The following KCNJ15 variants were observed in gnomAD, a reference collection of about 807,000 sequenced individuals.
KCNJ15 encodes the protein ATP-sensitive inward rectifier potassium channel 15.
In KCNJ15, 14 loss-of-function variants were observed where a neutral mutation model predicts 23.0. The ratio of observed to expected loss-of-function variants is 0.61; its 90% CI spans 0.40 to 0.95. The LOEUF is 0.95. Ranked by LOEUF, KCNJ15 falls within the 40% of genes least tolerant of loss-of-function variation. KCNJ15 has a pLI of 0.00. For missense variants in KCNJ15, 388 were observed against 461.8 expected, an observed-to-expected ratio of 0.84 and a Z score of 1.46; for synonymous variants, 185 against 183.2, an observed-to-expected ratio of 1.01 and a Z score of -0.08.
chr21:38,272,552 C>CTCAA (rs1402414121), intron 1 of KCNJ15: 3 of 152,260 alleles, frequency 2.0e-5, no homozygotes, highest in African/African-American at 4.8e-5. Flanking sequence ...AGCACCTGGA[C>CTCAA]TCAAGGTAAG....
At chr21:38,247,316 C>T (rs1008980582) in intron 1 of KCNJ15, among the ~76,000 whole-genome samples, 7 of 74,228 alleles carry the variant, frequency 9.4e-5, no homozygotes, top group East Asian at 7.9e-4. Flanking sequence ...ATGGATGGAT[C>T]GATGGGTAAA....
At position 38,302,562 on chromosome 21, in the gene KCNJ15, T is replaced by C. The variant is rs957294747; in HGVS notation, c.*2173T>C. On this transcript the variant is annotated 3_prime_UTR_variant, in exon 3 of 3. Coordinates refer to ENST00000398938, the MANE Select transcript of KCNJ15 (RefSeq NM_170736.3). Reference sequence around the variant, plus strand: ...TCCTTAAAAAAATATTACATGTCAGTGTAGTTAGATATTATCTCTTTTAGT... The same window carrying C: ...TCCTTAAAAAAATATTACATGTCAGCGTAGTTAGATATTATCTCTTTTAGT... 5 of 152,088 alleles carry C rather than the reference T, an allele frequency of 3.3e-5. No homozygotes were observed. The highest frequency in any genetic ancestry group is 3.3e-4 in the Admixed American group (5 of 15,268). 9.4% of individuals were successfully genotyped at this position (152,088 alleles called of 1,614,324 possible). A position where few individuals can be genotyped will look rare whatever the true frequency, so the allele number is the denominator to read the frequency against.
Position 38,305,106 on chromosome 21 carries a change from A to G in KCNJ15, c.*4717A>G, listed in dbSNP as rs1322827262. 2.0e-5 allele frequency: 3 copies of G among 150,998 alleles called. No homozygotes were observed. The highest frequency in any genetic ancestry group is 7.3e-5 in the African/African-American group (3 of 41,180). The allele number at this position is 150,998 out of a possible 1,614,324, so 9.4% of individuals were successfully genotyped here. A position where few individuals can be genotyped will look rare whatever the true frequency, so the allele number is the denominator to read the frequency against. On this transcript the variant is annotated 3_prime_UTR_variant, in exon 3 of 3. Transcript: ENST00000398938. ...AAAAAAAAAAAAAAAAAGAAAAAGA[A>G]AAAGAAAAGAAAAGAAAATAAACGT...
chr21:38,255,069 C>T (rs1216053365), upstream of KCNJ15, among the ~76,000 whole-genome samples: 1 of 152,132 alleles, frequency 6.6e-6, no homozygotes, highest in African/African-American at 2.4e-5. Flanking sequence ...TAGACTGGAA[C>T]ACAGATGGTA....
At chr21:38,296,136 G>T (rs1273941835) in intron 1 of KCNJ15, among the ~76,000 whole-genome samples, 2 of 152,108 alleles carry the variant, frequency 1.3e-5, no homozygotes, top group Non-Finnish European at 2.9e-5. Flanking sequence ...ATAGGTAATA[G>T]ATCAATAATT....
Position 38,299,577 on chromosome 21 carries a change from C to A in KCNJ15, c.316C>A (p.Pro106Thr). The A allele has an allele frequency of 1.9e-6, 3 of 1,614,130 alleles. No homozygotes were observed. Among genetic ancestry groups the A allele is most frequent in the Non-Finnish European group, 2.5e-6 (3 of 1,179,992 alleles). Residue 106 changes from proline (P) to threonine (T), a missense_variant, in exon 3 of 3, where the codon CCC becomes ACC. Physicochemically the swap from Pro to Thr is conservative, Grantham distance 38. Transcript: ENST00000398938. The surrounding 1 kb of genome is among the most constrained non-coding windows in gnomAD (Gnocchi z 4.5). The stretch of plus-strand genomic sequence containing the variant: ...CGGTGAGCCCATTTCAAATCATACC[C>A]CCTGCATCATGAAAGTGGACTCTCT... Reference protein sequence around the residue: ...EPGEPISNHTPCIMKVDSLTG... With the variant: ...EPGEPISNHTTCIMKVDSLTG...
rs1292383520 is a variant in KCNJ15, at chr21:38,302,431, G to T, written c.*2042G>T. 1 of 152,156 alleles carries T rather than the reference G, an allele frequency of 6.6e-6. No individual in the cohort carries two copies. Among genetic ancestry groups the T allele is most frequent in the African/African-American group, 2.4e-5 (1 of 41,420 alleles). The allele number at this position is 152,156 out of a possible 1,614,324, so 9.4% of individuals were successfully genotyped here. ...GAAAGTTTGTGAAAGTTTAAAGAAT[G>T]CCCTCAATCCATGAACGAGAGGGAG... On this transcript the variant is annotated 3_prime_UTR_variant, in exon 3 of 3. Transcript: ENST00000398938.
At chr21:38,246,661 A>G (rs1979389545) in intron 1 of KCNJ15, among the ~76,000 whole-genome samples, 1 of 152,224 alleles carries the variant, frequency 6.6e-6, no homozygotes, top group Admixed American at 6.5e-5. Context: ...TTACAAAGGA[A>G]GCAGAATTTC....
At chr21:38,267,711 C>A (rs886826917) in intron 1 of KCNJ15, among the ~76,000 whole-genome samples, 8 of 152,150 alleles carry the variant, frequency 5.3e-5, no homozygotes, top group Non-Finnish European at 1.0e-4. Flanking sequence ...AGATGAAAAG[C>A]CTGAGAGAAA....
At chr21:38,242,750 C>T (rs1979097747) in intron 1 of KCNJ15, among the ~76,000 whole-genome samples, 1 of 152,144 alleles carries the variant, frequency 6.6e-6, no homozygotes, top group Admixed American at 6.5e-5. Flanking sequence ...ACACCTTCCC[C>T]TCCTGCCACC....
chr21:38,288,846 C>T (rs765370615), intron 1 of KCNJ15, among the ~76,000 whole-genome samples: 2 of 152,226 alleles, frequency 1.3e-5, no homozygotes, highest in African/African-American at 2.4e-5. Flanking sequence ...TCACTGCTTA[C>T]TTCCCACGTG....
In KCNJ15 at chr21:38,233,509, C is replaced by T. The variant is rs141082643; in HGVS notation, c.-398-23537C>T. ...CATATCACATTTTGTTCCTCTGTTC[C>T]ACCTTTATTACTTTCTTTTGTATTA... is the stretch of plus-strand genomic sequence containing the variant. On this transcript the variant is annotated intron_variant, in intron 1 of 4. Transcript: ENST00000547341. 2.4e-3 allele frequency among the ~76,000 whole-genome samples: 360 copies of T among 152,050 alleles called. 2 individuals are homozygous for T. Among genetic ancestry groups the T allele is most frequent in the African/African-American group, 8.5e-3 (351 of 41,494 alleles).
chr21:38,245,569 AAAAG>A (rs199654510), intron 1 of KCNJ15, among the ~76,000 whole-genome samples: 2,898 of 151,528 alleles, frequency 0.019, 89 homozygotes, highest in African/African-American at 0.063. Flanking sequence ...ACAAAGAAAG[AAAAG>A]AAAGAAAGAA....
At position 38,300,245 on chromosome 21, in the gene KCNJ15, T is replaced by A. The variant is rs925148764; in HGVS notation, c.984T>A (p.Ser328Arg). Residue 328 changes from serine to arginine, a missense_variant, in exon 3 of 3, where the codon AGT (serine) becomes AGA (arginine). Coordinates refer to ENST00000398938, the MANE Select transcript of KCNJ15 (RefSeq NM_170736.3). ...SKNGKYVADFSQFEQIRKSPD... is the reference protein window; with the variant it reads ...SKNGKYVADFRQFEQIRKSPD... ...ATGGAAAATATGTGGCTGATTTCAG[T>A]CAGTTTGAACAGATTCGGAAAAGCC... The A allele has an allele frequency of 4.3e-6, 7 of 1,614,064 alleles. No individual in the cohort carries two copies. The highest frequency in any genetic ancestry group is 5.9e-6 in the Non-Finnish European group (7 of 1,180,036).
chr21:38,281,002 G>A (rs1052693035), intron 1 of KCNJ15, among the ~76,000 whole-genome samples: 10 of 152,168 alleles, frequency 6.6e-5, no homozygotes, highest in Non-Finnish European at 1.0e-4. Context: ...GCAAAAGGCC[G>A]TTTGCTATGC....
chr21:38,270,739 A>AT (rs910216281), intron 1 of KCNJ15, among the ~76,000 whole-genome samples: 2 of 152,240 alleles, frequency 1.3e-5, no homozygotes, highest in African/African-American at 4.8e-5. Flanking sequence ...CTAAGAGAAC[A>AT]TAAAAAAAAA....
intron 1 of KCNJ15, among the ~76,000 whole-genome samples, chr21:38,232,498 A>G (rs902206435): frequency 6.6e-6 from 1 of 151,368 alleles, no homozygotes; most frequent in African/African-American, 2.4e-5. Context: ...TTTAGGTTTC[A>G]TTTTCTCTTA....
intron 1 of KCNJ15, among the ~76,000 whole-genome samples, chr21:38,283,185 CTG>C (rs1347478004): frequency 6.6e-6 from 1 of 152,158 alleles, no homozygotes; most frequent in Non-Finnish European, 1.5e-5. Flanking sequence ...GGCCACAACA[CTG>C]TGTGGAAAGT....
chr21:38,295,652 AC>A (rs1034028580), intron 1 of KCNJ15, among the ~76,000 whole-genome samples: 1 of 152,152 alleles, frequency 6.6e-6, no homozygotes, highest in African/African-American at 2.4e-5. Flanking sequence ...ATTGTTGCTT[AC>A]CATGTTAGAA....
Sources: allele counts gnomAD v4.1 joint callset (sites outside exome capture counted in the v4.1 genomes callset), GRCh38; gene constraint gnomAD v4.1.1; non-coding constraint Gnocchi (gnomAD v3.1); transcripts MANE v1.5; gene names NCBI Gene and HGNC (gene_info 2026-07-23, HGNC 2026-07-21).